Variants in PDLIM5 observed in about 807,000 individuals in gnomAD.
PDLIM5 encodes PDZ and LIM domain 5.
In PDLIM5, 34 loss-of-function variants were observed where a neutral mutation model predicts 64.2. The ratio of observed to expected loss-of-function variants is 0.53; its 90% CI spans 0.40 to 0.71. The LOEUF is 0.71. Ranked by LOEUF, PDLIM5 falls within the 30% of genes least tolerant of loss-of-function variation. PDLIM5 has a pLI of 0.00. For synonymous variants in PDLIM5, 253 were observed against 269.1 expected, an observed-to-expected ratio of 0.94 and a Z score of 0.59; for missense variants, 683 against 733.6, an observed-to-expected ratio of 0.93 and a Z score of 0.80.
intron 2 of PDLIM5, chr4:94,455,902 T>C: frequency 6.9e-7 from 1 of 1,442,888 alleles, no homozygotes. Context: ...GGCTTGGAGC[T>C]CCAACTAGAT....
At chr4:94,629,035 G>T (rs1158812694) in intron 8 of PDLIM5, among the ~76,000 whole-genome samples, 1 of 151,856 alleles carries the variant, frequency 6.6e-6, no homozygotes. Flanking sequence ...GTAGAAAATG[G>T]AACAGTGATA....
At position 94,542,307 on chromosome 4, in the gene PDLIM5, C is replaced by CAAATAAATAAATAAATAAAT. The variant is rs547938931; in HGVS notation, c.248+18440_248+18459dup. On this transcript the variant is annotated intron_variant, in intron 3 of 12. Coordinates refer to ENST00000317968, the MANE Select transcript of PDLIM5 (RefSeq NM_006457.5). ...AGCCTGGGGGATAGAGTGAAACTGT[C>CAAATAAATAAATAAATAAAT]AAATAAATAAATAAATAAATAAATA... Among the ~76,000 whole-genome samples the CAAATAAATAAATAAATAAAT allele has an allele frequency of 8.5e-3, 1,279 of 150,248 alleles. 12 individuals carry two copies. Among genetic ancestry groups the CAAATAAATAAATAAATAAAT allele is most frequent in the African/African-American group, 0.019 (761 of 40,462 alleles).
rs201782564 is a variant in PDLIM5, at chr4:94,663,985, G to A, written c.1709G>A (p.Cys570Tyr). 5 of 1,599,878 alleles carry A rather than the reference G, an allele frequency of 3.1e-6. No homozygotes were observed. The highest frequency in any genetic ancestry group is 4.3e-6 in the Non-Finnish European group (5 of 1,168,756). The stretch of plus-strand genomic sequence containing the variant: ...ATGCTGCTTCTTTTTCAGGTGTGTT[G>A]TGAAAGTTTGGAAGGTCAGACCTTT... ...HDTCFVCSVC[C>Y]ESLEGQTFFS... Residue 570 changes from cysteine (C) to tyrosine (Y), a missense_variant, in exon 13 of 13, where the codon TGT (cysteine) becomes TAT (tyrosine). Coordinates refer to ENST00000317968, the MANE Select transcript of PDLIM5 (RefSeq NM_006457.5).
intron 3 of PDLIM5, chr4:94,549,974 CTCA>C (rs1732667786): frequency 6.6e-6 from 1 of 152,016 alleles, no homozygotes; most frequent in Non-Finnish European, 1.5e-5. Flanking sequence ...ATACCAGTAC[CTCA>C]TATTTGTATA....
At chr4:94,587,700 GAA>G in intron 7 of PDLIM5, 6 of 984,896 alleles carry the variant, frequency 6.1e-6, no homozygotes, top group Non-Finnish European at 7.2e-6. Context: ...AAAAAGGAAA[GAA>G]GAGAATTTTA....
In PDLIM5 at chr4:94,621,100, C is replaced by G. The variant is rs889630763; in HGVS notation, c.1108+2909C>G. ...AAAAAAAAAAAAAAAAAAAAAAAAG[C>G]TAGAAGTATTTCTATTGTGTTGGAA... is the stretch of plus-strand genomic sequence containing the variant. On this transcript the variant is annotated intron_variant, in intron 8 of 12. Transcript: ENST00000317968. 2.3e-3 allele frequency among the ~76,000 whole-genome samples: 293 copies of G among 129,240 alleles called. 1 individual carries two copies. Among genetic ancestry groups the G allele is most frequent in the African/African-American group, 7.8e-3 (281 of 36,222 alleles). 84.8% of individuals were successfully genotyped at this position (129,240 alleles called of 152,430 possible). A position where few individuals can be genotyped will look rare whatever the true frequency, so the allele number is the denominator to read the frequency against.
At chr4:94,622,702 A>T (rs1578488699) in intron 8 of PDLIM5, among the ~76,000 whole-genome samples, 1 of 121,380 alleles carries the variant, frequency 8.2e-6, no homozygotes, top group South Asian at 2.7e-4. Context: ...TTCCTCCCTC[A>T]CTCTGTCGCC....
chr4:94,521,949 C>T (rs959314924), intron 2 of PDLIM5, among the ~76,000 whole-genome samples: 1 of 151,988 alleles, frequency 6.6e-6, no homozygotes, highest in African/African-American at 2.4e-5. Context: ...ATTTCATTTG[C>T]TGATTTTAGT....
At chr4:94,614,288 G>GT (rs552757315) in intron 7 of PDLIM5, among the ~76,000 whole-genome samples, 135 of 149,782 alleles carry the variant, frequency 9.0e-4, no homozygotes, top group African/African-American at 3.3e-3. Context: ...TACAATGTTT[G>GT]TTTTTTTACA....
At chr4:94,480,856 C>T (rs1331376392) in intron 2 of PDLIM5, among the ~76,000 whole-genome samples, 1 of 152,094 alleles carries the variant, frequency 6.6e-6, no homozygotes, top group Non-Finnish European at 1.5e-5. Context: ...GGTTTACATC[C>T]CCCAGCCCCA....
At chr4:94,561,965 G>T (rs547741863) in intron 3 of PDLIM5, among the ~76,000 whole-genome samples, 17 of 152,350 alleles carry the variant, frequency 1.1e-4, no homozygotes, top group Admixed American at 4.6e-4. Flanking sequence ...TTTGGTGGCA[G>T]TGAGCTTTGC....
At chr4:94,640,954 G>A (rs567390451) in intron 9 of PDLIM5, among the ~76,000 whole-genome samples, 7 of 152,280 alleles carry the variant, frequency 4.6e-5, no homozygotes, top group South Asian at 2.1e-4. Context: ...GTTAGATTAC[G>A]TAATGACCTG....
chr4:94,494,432 G>GA (rs1553940971), intron 2 of PDLIM5, among the ~76,000 whole-genome samples: 1 of 70,772 alleles, frequency 1.4e-5, no homozygotes, highest in Non-Finnish European at 2.8e-5. Context: ...TTTTTTTCTT[G>GA]TTTTTTTTTT....
chr4:94,470,489 A>T (rs1724771065), intron 2 of PDLIM5, among the ~76,000 whole-genome samples: 1 of 152,170 alleles, frequency 6.6e-6, no homozygotes, highest in Non-Finnish European at 1.5e-5. Context: ...AGCTGAAAAA[A>T]TTTTTACAGT....
chr4:94,508,358 G>T (rs1728574803), intron 2 of PDLIM5, among the ~76,000 whole-genome samples: 1 of 152,128 alleles, frequency 6.6e-6, no homozygotes, highest in Admixed American at 6.5e-5. Flanking sequence ...AAAAGGTACA[G>T]GAAACTTATT....
At chr4:94,589,728 CTTTCTTTCT>C (rs1014511198) in intron 7 of PDLIM5, among the ~76,000 whole-genome samples, 4 of 125,302 alleles carry the variant, frequency 3.2e-5, no homozygotes, top group African/African-American at 1.1e-4. Context: ...CTTTCTCTTT[CTTTCTTTCT>C]TTTCTTTTCT....
At chr4:94,634,498 C>T (rs1740400775) in intron 8 of PDLIM5, among the ~76,000 whole-genome samples, 1 of 151,508 alleles carries the variant, frequency 6.6e-6, no homozygotes, top group Non-Finnish European at 1.5e-5. Context: ...GATATCATCC[C>T]CCATTCCCAG....
At chr4:94,506,557 A>G (rs1728414489) in intron 2 of PDLIM5, among the ~76,000 whole-genome samples, 1 of 152,186 alleles carries the variant, frequency 6.6e-6, no homozygotes, top group Non-Finnish European at 1.5e-5. Flanking sequence ...TACTAATTTT[A>G]TTCATGGAGA....
intron 2 of PDLIM5, among the ~76,000 whole-genome samples, chr4:94,509,825 A>G (rs1476421111): frequency 2.6e-5 from 4 of 152,170 alleles, no homozygotes; most frequent in Non-Finnish European, 5.9e-5. Context: ...TATTCTAGCC[A>G]TGTTGGCAGC....
Sources: gnomAD v4.1 joint callset for allele counts (sites outside exome capture counted in the v4.1 genomes callset) on GRCh38, gnomAD v4.1.1 for gene constraint, MANE v1.5 for transcripts, NCBI Gene and HGNC (gene_info 2026-07-23, HGNC 2026-07-21) for gene names.